The following BAG3 variants were observed in gnomAD, a reference collection of about 807,000 sequenced individuals.
The protein encoded by BAG3 is BAG family molecular chaperone regulator 3.
A neutral mutation model predicts 40.5 loss-of-function variants in BAG3; 14 were observed. The ratio of observed to expected loss-of-function variants is 0.35; its 90% confidence interval spans 0.23 to 0.54. The LOEUF is 0.54. BAG3 is among the 20% of genes least tolerant of loss of function. The pLI is 0.91. For missense variants in BAG3, 788 were observed against 758.6 expected (o/e 1.04, Z -0.46); for synonymous variants, 302 against 307.8 (o/e 0.98, Z 0.20).
At chr10:119,653,865 A>G (rs1846875347) in intron 1 of BAG3, among the ~76,000 whole-genome samples, 1 of 152,160 alleles carries the variant, frequency 6.6e-6, no homozygotes, top group African/African-American at 2.4e-5. Flanking sequence ...GTGTTTTGGG[A>G]AACTGAGGCA....
chr10:119,665,768 T>G (rs1371060590), intron 1 of BAG3, among the ~76,000 whole-genome samples: 1 of 64,570 alleles, frequency 1.5e-5, no homozygotes, highest in Non-Finnish European at 3.4e-5. Flanking sequence ...GAAATTCATG[T>G]TTTTTTTATT....
intron 1 of BAG3, among the ~76,000 whole-genome samples, chr10:119,662,226 GTTTTTTTTTT>G (rs869230141): frequency 1.2e-5 from 1 of 84,058 alleles, no homozygotes; most frequent in Non-Finnish European, 2.4e-5. Context: ...TTTTTTTTTT[GTTTTTTTTTT>G]TTTTGTATTT....
At chr10:119,665,137 TATATA>T (rs1369909920) in intron 1 of BAG3, among the ~76,000 whole-genome samples, 6 of 83,264 alleles carry the variant, frequency 7.2e-5, no homozygotes, top group Non-Finnish European at 1.0e-4. Flanking sequence ...TATATATATA[TATATA>T]TATTTTTTTT....
At chr10:119,661,062 C>T (rs1439227485) in intron 1 of BAG3, among the ~76,000 whole-genome samples, 1 of 149,262 alleles carries the variant, frequency 6.7e-6, no homozygotes, top group South Asian at 2.1e-4. Context: ...CTTTGGACTC[C>T]AGTCTGGGCA....
At chr10:119,664,315 G>C (rs1847030932) in intron 1 of BAG3, among the ~76,000 whole-genome samples, 1 of 152,120 alleles carries the variant, frequency 6.6e-6, no homozygotes. Context: ...GTTGTTTGGT[G>C]CCCTGAGACA....
At position 119,677,673 on chromosome 10, in the gene BAG3, A is replaced by G. The variant is rs915630627; in HGVS notation, c.*391A>G. The G allele has an allele frequency of 3.9e-5, 10 of 257,844 alleles. No individual in the cohort carries two copies. The highest frequency in any genetic ancestry group is 6.0e-5 in the Non-Finnish European group (8 of 132,460). The allele number at this position is 257,844 out of a possible 1,614,324, so 16.0% of individuals were successfully genotyped here. A position where few individuals can be genotyped will look rare whatever the true frequency, so the allele number is the denominator to read the frequency against. ...CATTTATCAGAAATGTTGCCATTTT[A>G]ATGAGATGATTTTCTTCATCTCATA... On this transcript the variant is annotated 3_prime_UTR_variant, in exon 4 of 4. Coordinates refer to ENST00000369085, the MANE Select transcript of BAG3 (RefSeq NM_004281.4).
intron 1 of BAG3, among the ~76,000 whole-genome samples, chr10:119,652,155 G>A (rs926402378): frequency 6.6e-6 from 1 of 152,098 alleles, no homozygotes; most frequent in African/African-American, 2.4e-5. Flanking sequence ...GCGGAAGGCC[G>A]GGTGTCCAGC....
At position 119,672,907 on chromosome 10, in the gene BAG3, G is replaced by A. The variant is rs945893496; in HGVS notation, c.909+251G>A. 2.0e-5 allele frequency among the ~76,000 whole-genome samples: 3 copies of A among 152,106 alleles called. No homozygotes were observed. Among genetic ancestry groups the A allele is most frequent in the African/African-American group, 7.2e-5 (3 of 41,400 alleles). On this transcript the variant is annotated intron_variant, in intron 3 of 3. Transcript: ENST00000369085. This position sits in a 1 kb window ranked among gnomAD's most constrained non-coding sequence, Gnocchi z 4.8. ...GCATTGCGGCTGACTTAGAGCAGACGAAACAGCTTGGCAGAACTTACATAC... is the reference window on the plus strand; with the variant it reads ...GCATTGCGGCTGACTTAGAGCAGACAAAACAGCTTGGCAGAACTTACATAC...
chr10:119,676,657 C>T lies in BAG3; in HGVS notation c.1103C>T (p.Pro368Leu), dbSNP rs771891535. Residue 368 changes from proline (P) to leucine (L), a missense_variant, in exon 4 of 4, where the codon CCT becomes CTT. Coordinates refer to ENST00000369085, the MANE Select transcript of BAG3 (RefSeq NM_004281.4). ...GAGAAGGTAGAGGTGAAAGTTCCCCCTGCTCCAGTTCCTTGTCCTCCTCCC... is the reference window on the plus strand; with the variant it reads ...GAGAAGGTAGAGGTGAAAGTTCCCCTTGCTCCAGTTCCTTGTCCTCCTCCC... ...PSEKVEVKVP[P>L]APVPCPPPSP... 6.2e-7 allele frequency: 1 copy of T among 1,614,184 alleles called. No homozygotes were observed. Among genetic ancestry groups the T allele is most frequent in the East Asian group, 2.2e-5 (1 of 44,884 alleles).
intron 1 of BAG3, among the ~76,000 whole-genome samples, chr10:119,662,215 G>T (rs77604767): frequency 7.7e-4 from 70 of 90,340 alleles, no homozygotes; most frequent in East Asian, 2.5e-3. Flanking sequence ...GCCTGGCTAT[G>T]TTTTTTTTTT....
chr10:119,652,220 A>G (rs1039214257), intron 1 of BAG3, among the ~76,000 whole-genome samples: 3 of 151,862 alleles, frequency 2.0e-5, no homozygotes, highest in Non-Finnish European at 2.9e-5. Context: ...TCAGCTCCGG[A>G]GGCCCCGGCC....
At chr10:119,667,390 T>C (rs529243221) in intron 1 of BAG3, among the ~76,000 whole-genome samples, 3 of 152,342 alleles carry the variant, frequency 2.0e-5, no homozygotes, top group African/African-American at 7.2e-5. Flanking sequence ...CCTCTTGATA[T>C]GCCCTTATAA....
At chr10:119,660,370 C>T (rs575916544) in intron 1 of BAG3, among the ~76,000 whole-genome samples, 2 of 152,188 alleles carry the variant, frequency 1.3e-5, no homozygotes, top group Admixed American at 6.5e-5. Flanking sequence ...AGAGGTGGGT[C>T]GTTTAGGGCT....
Position 119,676,756 on chromosome 10 carries a change from C to T in BAG3, c.1202C>T (p.Ala401Val), listed in dbSNP as rs775153939. 3.1e-6 allele frequency: 5 copies of T among 1,614,142 alleles called. No individual in the cohort carries two copies. In the Admixed American group the frequency reaches 5.0e-5, roughly 16 times the overall value. ...ATEERAAPST[A>V]PAEATPPKPG... ...GAAGAGAGGGCAGCCCCCAGCACTG[C>T]CCCTGCAGAAGCTACACCTCCAAAA... The change falls in exon 4 of 4, where the codon GCC (alanine) becomes GTC (valine). Residue 401 changes from alanine to valine, a missense_variant. By Grantham distance (64) the Ala-to-Val change is moderately conservative. Transcript: ENST00000369085.
Position 119,651,632 on chromosome 10 carries a change from C to G in BAG3, c.-44C>G, listed in dbSNP as rs1846840683. 6.8e-7 allele frequency: 1 copy of G among 1,481,358 alleles called. No individual in the cohort carries two copies. Among genetic ancestry groups the G allele is most frequent in the Non-Finnish European group, 9.0e-7 (1 of 1,112,348 alleles). 91.8% of individuals were successfully genotyped at this position (1,481,358 alleles called of 1,614,324 possible). A position where few individuals can be genotyped will look rare whatever the true frequency, so the allele number is the denominator to read the frequency against. On this transcript the variant is annotated 5_prime_UTR_variant, in exon 1 of 4. Coordinates refer to ENST00000369085, the MANE Select transcript of BAG3 (RefSeq NM_004281.4). ...CGGCCAGAGACTCGGCGCCCGGAGC[C>G]AGCGCCCCGCACCCGCGCCCCAGCG...
At chr10:119,652,604 A>C (rs1221782211) in intron 1 of BAG3, among the ~76,000 whole-genome samples, 1 of 152,210 alleles carries the variant, frequency 6.6e-6, no homozygotes, top group Non-Finnish European at 1.5e-5. Context: ...ACTGTCTTAC[A>C]GTTGGCCATT....
chr10:119,653,161 T>G (rs1846866831), intron 1 of BAG3, among the ~76,000 whole-genome samples: 1 of 152,244 alleles, frequency 6.6e-6, no homozygotes, highest in Non-Finnish European at 1.5e-5. Flanking sequence ...AGTGAGACCG[T>G]GTACAGGCAG....
Position 119,677,356 on chromosome 10 carries a change from A to G in BAG3, c.*74A>G. 3 of 1,584,914 alleles carry G rather than the reference A, an allele frequency of 1.9e-6. No individual in the cohort carries two copies. Among genetic ancestry groups the G allele is most frequent in the Non-Finnish European group, 2.6e-6 (3 of 1,160,990 alleles). ...ATTTTAAGTTGCATGCATTTCAGAG[A>G]CTTTAAGTCAGTTGGTTTTTATTAG... is the stretch of plus-strand genomic sequence containing the variant. On this transcript the variant is annotated 3_prime_UTR_variant, in exon 4 of 4. Coordinates refer to ENST00000369085, the MANE Select transcript of BAG3 (RefSeq NM_004281.4).
intron 1 of BAG3, among the ~76,000 whole-genome samples, chr10:119,653,514 T>A (rs1846870885): frequency 1.3e-5 from 2 of 152,216 alleles, no homozygotes; most frequent in Non-Finnish European, 2.9e-5. Context: ...CAAGTTGAGA[T>A]CTTCCTGTAC....
Sources: gnomAD v4.1 joint callset for allele counts (sites outside exome capture counted in the v4.1 genomes callset) on GRCh38, gnomAD v4.1.1 for gene constraint, Gnocchi (gnomAD v3.1) non-coding constraint, MANE v1.5 for transcripts, NCBI Gene and HGNC (gene_info 2026-07-23, HGNC 2026-07-21) for gene names.